PITPNC1: variants seen among roughly 807,000 people sequenced by gnomAD.
The protein encoded by PITPNC1 is cytoplasmic phosphatidylinositol transfer protein 1.
A neutral mutation model predicts 44.7 loss-of-function variants in PITPNC1; 18 were observed. That is an observed-to-expected ratio of 0.40 (90% CI 0.28 to 0.60). The LOEUF (loss-of-function observed/expected upper bound fraction) is 0.60. Ranked by LOEUF, PITPNC1 falls within the 20% of genes least tolerant of loss-of-function variation. The pLI is 0.39. For missense variants in PITPNC1, 290 were observed against 418.4 expected (o/e 0.69, Z 2.68); for synonymous variants, 141 against 149.6 (o/e 0.94, Z 0.42).
At chr17:67,500,706 A>G (rs907818235) in intron 1 of PITPNC1, among the ~76,000 whole-genome samples, 1 of 151,238 alleles carries the variant, frequency 6.6e-6, no homozygotes, top group Non-Finnish European at 1.5e-5. Flanking sequence ...TCTGTCAGCC[A>G]GGCTGGAGTA....
chr17:67,515,065 A>G (rs751825147), intron 1 of PITPNC1, among the ~76,000 whole-genome samples: 47 of 152,168 alleles, frequency 3.1e-4, no homozygotes, highest in Non-Finnish European at 6.0e-4. Context: ...CGGGCATCCT[A>G]CCTTGAATGG....
At chr17:67,442,870 A>C (rs1266023610) in intron 1 of PITPNC1, among the ~76,000 whole-genome samples, 1 of 151,954 alleles carries the variant, frequency 6.6e-6, no homozygotes, top group East Asian at 1.9e-4. Flanking sequence ...AACTAAAAAA[A>C]ATGCATTAAA....
intron 1 of PITPNC1, among the ~76,000 whole-genome samples, chr17:67,494,965 C>A (rs2039923203): frequency 6.9e-6 from 1 of 145,046 alleles, no homozygotes; most frequent in South Asian, 2.2e-4. Context: ...GGGGAGACCT[C>A]GTCTCAAACT....
intron 6 of PITPNC1, among the ~76,000 whole-genome samples, chr17:67,648,216 C>G (rs1289373123): frequency 6.6e-6 from 1 of 152,186 alleles, no homozygotes; most frequent in Non-Finnish European, 1.5e-5. Context: ...TGCAACTCAT[C>G]GAGATATTTG....
chr17:67,650,192 G>A (rs935935995), intron 6 of PITPNC1, among the ~76,000 whole-genome samples: 4 of 152,170 alleles, frequency 2.6e-5, no homozygotes, highest in African/African-American at 9.6e-5. Context: ...TTGGAGCATT[G>A]TCTTAGGAAG....
intron 7 of PITPNC1, among the ~76,000 whole-genome samples, chr17:67,670,633 C>T (rs1165140201): frequency 6.6e-6 from 1 of 151,276 alleles, no homozygotes; most frequent in East Asian, 2.0e-4. Context: ...GCCTATAATC[C>T]CAGCTACTCA....
At chr17:67,524,710 C>T (rs1044347118) in intron 1 of PITPNC1, 3 of 151,208 alleles carry the variant, frequency 2.0e-5, no homozygotes, top group African/African-American at 7.3e-5. Context: ...AAAGTAGATT[C>T]ACATACCCAA....
intron 6 of PITPNC1, among the ~76,000 whole-genome samples, chr17:67,661,206 G>A (rs2042342787): frequency 6.6e-6 from 1 of 151,804 alleles, no homozygotes; most frequent in Non-Finnish European, 1.5e-5. Context: ...TTTCGGTGGT[G>A]GTTTCCGGGT....
At chr17:67,580,515 G>GT (rs977029184) in intron 5 of PITPNC1, among the ~76,000 whole-genome samples, 4 of 151,628 alleles carry the variant, frequency 2.6e-5, no homozygotes, top group Admixed American at 6.6e-5. Context: ...TAATTTTTGT[G>GT]TTTTTTTTAG....
chr17:67,540,864 G>T (rs1449163784), intron 2 of PITPNC1, among the ~76,000 whole-genome samples: 1 of 152,194 alleles, frequency 6.6e-6, no homozygotes, highest in African/African-American at 2.4e-5. Context: ...TAAATATCTA[G>T]AAGATATCCT....
rs140285780 is a variant in PITPNC1, at chr17:67,565,403, G to A, written c.294+11786G>A. Reference sequence around the variant, plus strand: ...GTATACTAGTTTTCCATGTTTTTCAGTGTGTGTACTAGTAATTTTCCATGG... The same window carrying A: ...GTATACTAGTTTTCCATGTTTTTCAATGTGTGTACTAGTAATTTTCCATGG... On this transcript the variant is annotated intron_variant, in intron 4 of 8. Transcript: ENST00000581322. Among the ~76,000 whole-genome samples, 940 of 146,662 alleles carry A rather than the reference G, an allele frequency of 6.4e-3. 12 individuals are homozygous for A. The highest frequency in any genetic ancestry group is 0.023 in the African/African-American group (906 of 39,330).
At chr17:67,379,646 A>C (rs1243342394) in intron 1 of PITPNC1, among the ~76,000 whole-genome samples, 1 of 152,186 alleles carries the variant, frequency 6.6e-6, no homozygotes, top group Admixed American at 6.6e-5. Context: ...TTGTGGAGAA[A>C]GAGAAGGGCA....
chr17:67,522,570 G>C (rs2040338192), intron 1 of PITPNC1, among the ~76,000 whole-genome samples: 1 of 151,606 alleles, frequency 6.6e-6, no homozygotes, highest in Non-Finnish European at 1.5e-5. Flanking sequence ...GTTTCCTTGA[G>C]GCATGAGCCA....
At chr17:67,430,369 T>G (rs898428401) in intron 1 of PITPNC1, among the ~76,000 whole-genome samples, 18 of 152,020 alleles carry the variant, frequency 1.2e-4, no homozygotes, top group Admixed American at 3.3e-4. Context: ...TAGTCTATAA[T>G]CCCAGCTACT....
intron 8 of PITPNC1, among the ~76,000 whole-genome samples, chr17:67,675,851 A>G (rs1428722775): frequency 6.6e-6 from 1 of 152,208 alleles, no homozygotes; most frequent in Non-Finnish European, 1.5e-5. Flanking sequence ...CCAAACTTCA[A>G]GATCAAAGCT....
intron 1 of PITPNC1, among the ~76,000 whole-genome samples, chr17:67,403,238 A>AG (rs1178631587): frequency 2.7e-5 from 4 of 148,086 alleles, no homozygotes; most frequent in Non-Finnish European, 4.4e-5. Context: ...AAAAAAAAAA[A>AG]AAAGTCATGA....
chr17:67,378,735 C>T (rs1644921130), intron 1 of PITPNC1, among the ~76,000 whole-genome samples: 2 of 152,200 alleles, frequency 1.3e-5, no homozygotes, highest in South Asian at 4.1e-4. Flanking sequence ...TCGCCGCGGG[C>T]TTGGGCGCAG....
At chr17:67,567,571 A>C (rs1187742407) in intron 4 of PITPNC1, among the ~76,000 whole-genome samples, 1 of 152,168 alleles carries the variant, frequency 6.6e-6, no homozygotes, top group Non-Finnish European at 1.5e-5. Flanking sequence ...ATGGGAATGT[A>C]CAAGGGTGCA....
chr17:67,567,337 A>G (rs970586128), intron 4 of PITPNC1, among the ~76,000 whole-genome samples: 4 of 152,052 alleles, frequency 2.6e-5, no homozygotes, highest in African/African-American at 9.7e-5. Flanking sequence ...ACAAAAAATT[A>G]GCCAGGCGTG....
Sources: allele counts gnomAD v4.1 joint callset (sites outside exome capture counted in the v4.1 genomes callset), GRCh38; gene constraint gnomAD v4.1.1; transcripts MANE v1.5; gene names NCBI Gene and HGNC (gene_info 2026-07-23, HGNC 2026-07-21).